Variants in GPC6 observed in about 807,000 individuals in gnomAD.
GPC6 encodes glypican 6.
Under a neutral mutation model 55.2 loss-of-function variants are expected in GPC6, and 14 were observed. The observed-to-expected ratio is 0.25, with a 90% CI of 0.17 to 0.40. GPC6 has a LOEUF of 0.40. Among genes scored for constraint, GPC6 ranks in the 10% least tolerant of loss-of-function variants. The pLI, the probability that GPC6 is intolerant of heterozygous loss-of-function variation, is 1.00. For synonymous variants in GPC6, 278 were observed against 259.6 expected (o/e 1.07, Z -0.68); for missense variants, 641 against 708.5 (o/e 0.90, Z 1.08).
chr13:94,188,351 G>A (rs1889270673), intron 4 of GPC6, among the ~76,000 whole-genome samples: 1 of 152,152 alleles, frequency 6.6e-6, no homozygotes, highest in Admixed American at 6.5e-5. Flanking sequence ...CACTGGGATT[G>A]CCTGAAGCTT....
intron 2 of GPC6, among the ~76,000 whole-genome samples, chr13:93,726,199 G>T (rs1883634141): frequency 6.6e-6 from 1 of 150,474 alleles, no homozygotes; most frequent in East Asian, 2.0e-4. Context: ...TTTCTTCTTG[G>T]TGGCACTGTT....
At chr13:93,371,374 A>G (rs1272173891) in intron 1 of GPC6, among the ~76,000 whole-genome samples, 1 of 152,146 alleles carries the variant, frequency 6.6e-6, no homozygotes, top group African/African-American at 2.4e-5. Context: ...TATTAATGCA[A>G]TAATGAGAGA....
chr13:94,009,145 A>G (rs1256368212), intron 3 of GPC6, among the ~76,000 whole-genome samples: 1 of 152,120 alleles, frequency 6.6e-6, no homozygotes, highest in Non-Finnish European at 1.5e-5. Flanking sequence ...TTTTTCCTTA[A>G]TGAAATGGTA....
At position 94,210,259 on chromosome 13, in the gene GPC6, C is replaced by A. The variant is rs191558607; in HGVS notation, c.878-76090C>A. Among the ~76,000 whole-genome samples the A allele has an allele frequency of 8.4e-4, 127 of 151,376 alleles. 1 individual carries two copies. The highest frequency in any genetic ancestry group is 1.4e-3 in the Admixed American group (21 of 15,158). ...GCAGCCTCTGCCTCCCAGGTTCATG[C>A]GATTCTCCCGCCTCAGCCTCCCAAG... On this transcript the variant is annotated intron_variant, in intron 4 of 8. Transcript: ENST00000377047.
intron 2 of GPC6, among the ~76,000 whole-genome samples, chr13:93,616,513 T>C (rs1366983152): frequency 2.0e-5 from 3 of 152,060 alleles, no homozygotes; most frequent in Non-Finnish European, 4.4e-5. Flanking sequence ...TTGTTTAGGG[T>C]TCCAATTAGA....
intron 4 of GPC6, among the ~76,000 whole-genome samples, chr13:94,244,400 G>A (rs1246183283): frequency 2.0e-5 from 3 of 152,068 alleles, no homozygotes; most frequent in Non-Finnish European, 2.9e-5. Flanking sequence ...CACCACCTGT[G>A]AAGTTAAGGA....
chr13:94,017,635 A>T (rs1162160516), intron 3 of GPC6, among the ~76,000 whole-genome samples: 1 of 152,080 alleles, frequency 6.6e-6, no homozygotes, highest in African/African-American at 2.4e-5. Flanking sequence ...ATGTTATAGG[A>T]TCATGTAATC....
chr13:93,672,229 GTGTA>G (rs1881389913), intron 2 of GPC6, among the ~76,000 whole-genome samples: 1 of 149,810 alleles, frequency 6.7e-6, no homozygotes, highest in Admixed American at 6.7e-5. Context: ...GTGTGTGTGT[GTGTA>G]TATATGTATA....
chr13:94,109,203 T>C (rs2138837238), intron 4 of GPC6, among the ~76,000 whole-genome samples: 1 of 152,336 alleles, frequency 6.6e-6, no homozygotes, highest in African/African-American at 2.4e-5. Flanking sequence ...GCGTTATGAC[T>C]GTCATGAATG....
At chr13:93,242,148 A>C (rs1876454966) in intron 1 of GPC6, among the ~76,000 whole-genome samples, 2 of 152,150 alleles carry the variant, frequency 1.3e-5, no homozygotes, top group Admixed American at 1.3e-4. Flanking sequence ...GTTCATGGGT[A>C]AGAATTGGCT....
chr13:93,389,358 G>A (rs1875527728), intron 1 of GPC6, among the ~76,000 whole-genome samples: 2 of 151,426 alleles, frequency 1.3e-5, no homozygotes, highest in Non-Finnish European at 2.9e-5. Flanking sequence ...AAAATAAATA[G>A]CCGGGCGTGG....
At chr13:93,890,668 A>G (rs1392363708) in intron 3 of GPC6, among the ~76,000 whole-genome samples, 1 of 151,904 alleles carries the variant, frequency 6.6e-6, no homozygotes, top group African/African-American at 2.4e-5. Flanking sequence ...CTTGAATAGC[A>G]AGCATATTAC....
At chr13:94,046,461 A>AACTTC (rs1883736342) in intron 4 of GPC6, among the ~76,000 whole-genome samples, 1 of 152,040 alleles carries the variant, frequency 6.6e-6, no homozygotes, top group African/African-American at 2.4e-5. Flanking sequence ...GAGGAGAAAG[A>AACTTC]ACTTCACTGT....
At chr13:93,963,373 C>T (rs1594624909) in intron 3 of GPC6, among the ~76,000 whole-genome samples, 1 of 152,158 alleles carries the variant, frequency 6.6e-6, no homozygotes, top group East Asian at 1.9e-4. Flanking sequence ...GATATAGGCT[C>T]TGATGGGAAA....
chr13:93,330,059 C>T (rs553380893), intron 1 of GPC6, among the ~76,000 whole-genome samples: 96 of 152,246 alleles, frequency 6.3e-4, no homozygotes, highest in African/African-American at 2.3e-3. Context: ...TCAGCATAAA[C>T]ATAAAGGAAG....
intron 5 of GPC6, among the ~76,000 whole-genome samples, chr13:94,289,315 G>T (rs1224072089): frequency 6.6e-6 from 1 of 152,128 alleles, no homozygotes; most frequent in Non-Finnish European, 1.5e-5. Flanking sequence ...TTTGTCTTGA[G>T]TCTGCTGCAT....
At chr13:93,225,411 A>G (rs920997713), upstream of GPC6, among the ~76,000 whole-genome samples, 1 of 152,238 alleles carries the variant, frequency 6.6e-6, no homozygotes, top group Non-Finnish European at 1.5e-5. Context: ...ATATTGTGAA[A>G]GCAAAAAACT....
chr13:93,796,902 G>A (rs565024534), intron 2 of GPC6, among the ~76,000 whole-genome samples: 1 of 71,982 alleles, frequency 1.4e-5, no homozygotes, highest in African/African-American at 7.0e-5. Context: ...TTGCCCTGAT[G>A]CACACCAGTT....
At chr13:93,663,760 T>C (rs1881023411) in intron 2 of GPC6, among the ~76,000 whole-genome samples, 1 of 152,194 alleles carries the variant, frequency 6.6e-6, no homozygotes, top group African/African-American at 2.4e-5. Context: ...GACAAGTCAC[T>C]TCATCTTTCT....
Sources: allele counts gnomAD v4.1 joint callset (sites outside exome capture counted in the v4.1 genomes callset), GRCh38; gene constraint gnomAD v4.1.1; transcripts MANE v1.5; gene names NCBI Gene and HGNC (gene_info 2026-07-23, HGNC 2026-07-21).